The following PRDM16 variants were observed in gnomAD, a reference collection of about 807,000 sequenced individuals.
The protein encoded by PRDM16 is PR/SET domain 16.
In PRDM16, 23 loss-of-function variants were observed where a neutral mutation model predicts 110.6. The ratio of observed to expected loss-of-function variants is 0.21; its 90% CI spans 0.15 to 0.29. The LOEUF (loss-of-function observed/expected upper bound fraction) is 0.29. PRDM16 is among the 10% of genes least tolerant of loss of function. The probability of loss-of-function intolerance (pLI) is 1.00; values close to 1 mark genes in which losing one functional copy is unlikely to be tolerated. For missense variants in PRDM16, 1,615 were observed against 1,794.3 expected (o/e 0.90, Z 1.81); for synonymous variants, 799 against 781.8 (o/e 1.02, Z -0.37).
intron 8 of PRDM16, among the ~76,000 whole-genome samples, chr1:3,408,706 G>A (rs552423154): frequency 1.7e-4 from 23 of 138,574 alleles, no homozygotes; most frequent in Admixed American, 4.9e-4. Flanking sequence ...ATGTGTTGGC[G>A]TGCATGAGAG....
chr1:3,090,064 G>A (rs999402458), intron 1 of PRDM16, among the ~76,000 whole-genome samples: 13 of 152,114 alleles, frequency 8.5e-5, no homozygotes, highest in South Asian at 2.1e-4. Context: ...TATAACCCCC[G>A]CAAAGTAAAC....
At chr1:3,181,615 C>CAT (rs1484289911) in intron 1 of PRDM16, among the ~76,000 whole-genome samples, 3 of 149,546 alleles carry the variant, frequency 2.0e-5, no homozygotes, top group African/African-American at 7.5e-5. Flanking sequence ...CAGTCTTACA[C>CAT]ACGGTCTTAC....
intron 1 of PRDM16, among the ~76,000 whole-genome samples, chr1:3,183,984 C>G (rs1019634033): frequency 6.6e-6 from 1 of 151,432 alleles, no homozygotes; most frequent in Non-Finnish European, 1.5e-5. Context: ...AACAAGATGC[C>G]ATGTTAATTA....
Position 3,069,413 on chromosome 1 carries a change from C to T in PRDM16, c.37+117C>T. ...CGGCGCGCCTGCGGCTCCGGGCCCC[C>T]GGCTCGGCCGCGCGGCCCGGGGGGC... On this transcript the variant is annotated intron_variant, in intron 1 of 16. Coordinates refer to ENST00000270722, the MANE Select transcript of PRDM16 (RefSeq NM_022114.4). This position sits in a 1 kb window ranked among gnomAD's most constrained non-coding sequence, Gnocchi z 6.1. 1 of 163,254 alleles carries T rather than the reference C, an allele frequency of 6.1e-6. No homozygotes were observed. The highest frequency in any genetic ancestry group is 1.2e-5 in the Non-Finnish European group (1 of 83,420). 10.1% of individuals were successfully genotyped at this position (163,254 alleles called of 1,614,324 possible). A position where few individuals can be genotyped will look rare whatever the true frequency, so the allele number is the denominator to read the frequency against.
chr1:3,331,890 G>A (rs767912248), intron 3 of PRDM16, among the ~76,000 whole-genome samples: 1 of 152,200 alleles, frequency 6.6e-6, no homozygotes, highest in East Asian at 1.9e-4. Context: ...CAGGGACTCC[G>A]GGCTCATGAC....
At chr1:3,071,414 GA>G (rs1323128526) in intron 1 of PRDM16, among the ~76,000 whole-genome samples, 10 of 152,338 alleles carry the variant, frequency 6.6e-5, no homozygotes, top group African/African-American at 2.4e-4. Context: ...CTTTAGTGAG[GA>G]AAAACCCCAT....
chr1:3,270,514 G>T (rs1215149422), intron 3 of PRDM16, among the ~76,000 whole-genome samples: 1 of 151,484 alleles, frequency 6.6e-6, no homozygotes, highest in Non-Finnish European at 1.5e-5. Flanking sequence ...AGTCCCGGGG[G>T]AGGACAATCA....
intron 1 of PRDM16, among the ~76,000 whole-genome samples, chr1:3,119,325 A>G (rs999028448): frequency 2.0e-5 from 3 of 152,232 alleles, no homozygotes; most frequent in African/African-American, 7.2e-5. Context: ...GACCCGCTGC[A>G]GGCTTGGCCC....
intron 3 of PRDM16, among the ~76,000 whole-genome samples, chr1:3,318,624 T>G (rs1195209662): frequency 2.6e-5 from 4 of 152,214 alleles, no homozygotes; most frequent in Non-Finnish European, 4.4e-5. Context: ...ATTATCTATC[T>G]GTCTAATTTA....
intron 1 of PRDM16, among the ~76,000 whole-genome samples, chr1:3,166,895 G>A (rs1569740092): frequency 6.6e-6 from 1 of 152,294 alleles, no homozygotes; most frequent in East Asian, 1.9e-4. Context: ...GGCGGCCTAC[G>A]AAGCAGGTGC....
intron 3 of PRDM16, among the ~76,000 whole-genome samples, chr1:3,363,655 T>G (rs1642756883): frequency 6.6e-6 from 1 of 152,060 alleles, no homozygotes. Context: ...TAAGGCCCCC[T>G]TGGAAACAAG....
chr1:3,387,567 C>T (rs1643221398), intron 4 of PRDM16, among the ~76,000 whole-genome samples: 1 of 152,152 alleles, frequency 6.6e-6, no homozygotes, highest in Non-Finnish European at 1.5e-5. Context: ...CCGGTGACGT[C>T]GGGTGTTACA....
At chr1:3,283,830 C>T (rs934819474) in intron 3 of PRDM16, among the ~76,000 whole-genome samples, 6 of 152,244 alleles carry the variant, frequency 3.9e-5, no homozygotes, top group African/African-American at 1.2e-4. Context: ...GGTGTTGCGG[C>T]CACACAGCCT....
chr1:3,343,292 C>T (rs1409888700), intron 3 of PRDM16, among the ~76,000 whole-genome samples: 3 of 144,440 alleles, frequency 2.1e-5, no homozygotes, highest in Non-Finnish European at 4.5e-5. Flanking sequence ...AGTGTTCGTT[C>T]AAGCCTTTTG....
chr1:3,385,869 C>A (rs893744970), intron 4 of PRDM16, among the ~76,000 whole-genome samples: 1 of 152,176 alleles, frequency 6.6e-6, no homozygotes, highest in Non-Finnish European at 1.5e-5. Flanking sequence ...CCTGCCACCT[C>A]GGGGCTGAGG....
In PRDM16 at chr1:3,201,143, C is replaced by T. The variant is rs151295483; in HGVS notation, c.387+14669C>T. Among the ~76,000 whole-genome samples, 311 of 152,210 alleles carry T rather than the reference C, an allele frequency of 2.0e-3. No homozygotes were observed. Among genetic ancestry groups the T allele is most frequent in the Middle Eastern group, 6.8e-3 (2 of 294 alleles). Reference sequence around the variant, plus strand: ...CCCTGAGTTTTGGGAGCATAGACCACGCTGCCTTCTTTTGAGGAGGACAGG... The same window carrying T: ...CCCTGAGTTTTGGGAGCATAGACCATGCTGCCTTCTTTTGAGGAGGACAGG... On this transcript the variant is annotated intron_variant, in intron 2 of 16. Transcript: ENST00000270722. The surrounding 1 kb of genome is among the most constrained non-coding windows in gnomAD (Gnocchi z 4.1).
At chr1:3,413,002 T>G (rs1177169386) in intron 9 of PRDM16, among the ~76,000 whole-genome samples, 1 of 152,066 alleles carries the variant, frequency 6.6e-6, no homozygotes, top group Non-Finnish European at 1.5e-5. Context: ...CTAAGCTAGG[T>G]GCCTGGCCCG....
chr1:3,304,477 C>T (rs1274692816), intron 3 of PRDM16, among the ~76,000 whole-genome samples: 1 of 152,234 alleles, frequency 6.6e-6, no homozygotes, highest in Non-Finnish European at 1.5e-5. Flanking sequence ...TGAAAGCCTG[C>T]ATTGCATCCT....
intron 3 of PRDM16, among the ~76,000 whole-genome samples, chr1:3,363,893 C>G (rs1409267161): frequency 2.6e-5 from 4 of 152,180 alleles, no homozygotes; most frequent in Non-Finnish European, 5.9e-5. Context: ...TAAAGCAGCC[C>G]GGCCAAAGGC....
Sources: allele counts gnomAD v4.1 joint callset (sites outside exome capture counted in the v4.1 genomes callset), GRCh38; gene constraint gnomAD v4.1.1; non-coding constraint Gnocchi (gnomAD v3.1); transcripts MANE v1.5; gene names NCBI Gene and HGNC (gene_info 2026-07-23, HGNC 2026-07-21).